The following TIAM2 variants were observed in gnomAD, a reference collection of about 807,000 sequenced individuals.
TIAM2 encodes TIAM Rac1 associated GEF 2.
A neutral mutation model predicts 152.9 loss-of-function variants in TIAM2; 80 were observed. That is an observed-to-expected ratio of 0.52 (90% CI 0.44 to 0.63). TIAM2 has a LOEUF of 0.63. Ranked by LOEUF, TIAM2 falls within the 30% of genes least tolerant of loss-of-function variation. The pLI is 0.00. For synonymous variants in TIAM2, 804 were observed against 838.0 expected (o/e 0.96, Z 0.70); for missense variants, 1,965 against 2,120.1 (o/e 0.93, Z 1.44).
At chr6:155,104,485 C>G (rs34360667) in intron 2 of TIAM2, among the ~76,000 whole-genome samples, 41 of 152,232 alleles carry the variant, frequency 2.7e-4, no homozygotes, top group African/African-American at 9.1e-4. Flanking sequence ...ATGGCCGGCA[C>G]GGTGGGTCAC....
intron 7 of TIAM2, among the ~76,000 whole-genome samples, chr6:155,162,282 A>T (rs2115094804): frequency 6.6e-6 from 1 of 152,274 alleles, no homozygotes; most frequent in African/African-American, 2.4e-5. Flanking sequence ...CTTTCCTCTT[A>T]TATCTTCACC....
intron 8 of TIAM2, 74 bp from the exon 9 acceptor site, chr6:155,165,189 G>A: frequency 2.0e-6 from 3 of 1,471,526 alleles, no homozygotes; most frequent in Non-Finnish European, 2.7e-6. Flanking sequence ...AGCAAGCAGA[G>A]CTCACTTCCT....
intron 1 of TIAM2, among the ~76,000 whole-genome samples, chr6:155,057,017 CTTTTTTTTTTT>C (rs71023612): frequency 4.5e-3 from 199 of 43,880 alleles, no homozygotes; most frequent in Admixed American, 0.01. Context: ...AGTTTTCTTT[CTTTTTTTTTTT>C]TTTTTTTTTT....
chr6:155,144,262 T>G (rs890521503), intron 5 of TIAM2, among the ~76,000 whole-genome samples: 1 of 152,224 alleles, frequency 6.6e-6, no homozygotes, highest in Admixed American at 6.5e-5. Context: ...TCCTAGATAC[T>G]TTTTGGGTCA....
chr6:155,009,273 T>C (rs1218720062), intron 1 of TIAM2, among the ~76,000 whole-genome samples: 1 of 151,546 alleles, frequency 6.6e-6, no homozygotes, highest in African/African-American at 2.4e-5. Context: ...GGCTAGGTTT[T>C]GTATTTTTAG....
At chr6:155,042,771 G>A (rs1296633994) in intron 1 of TIAM2, among the ~76,000 whole-genome samples, 3 of 144,320 alleles carry the variant, frequency 2.1e-5, no homozygotes, top group Non-Finnish European at 4.6e-5. Context: ...TTTTTGCGGT[G>A]AGAACGCTGA....
At chr6:155,051,865 C>T (rs973217069) in intron 1 of TIAM2, among the ~76,000 whole-genome samples, 13 of 152,132 alleles carry the variant, frequency 8.5e-5, no homozygotes, top group Admixed American at 3.9e-4. Context: ...GTCTCGAACT[C>T]GTGACTTCAG....
intron 9 of TIAM2, among the ~76,000 whole-genome samples, chr6:155,166,219 T>C (rs1241920867): frequency 6.6e-6 from 1 of 152,132 alleles, no homozygotes; most frequent in East Asian, 1.9e-4. Context: ...CCAGGACTAG[T>C]TTCTGCCTAA....
In TIAM2 at chr6:155,130,203, C is replaced by T. The variant is rs1200146353; in HGVS notation, c.980C>T (p.Ala327Val). The change falls in exon 4 of 27, where the codon GCC (alanine) becomes GTC (valine). Residue 327 changes from alanine to valine, a missense_variant. Around this residue, in one of 3 missense-constraint regions of TIAM2, gnomAD observed 1,025 missense variants for 1,119.4 expected, o/e 0.92. Transcript: ENST00000682666. Reference sequence around the variant, plus strand: ...TCTGATGAATACATGGGCACGCATGCCAGCCTGAGCAACCGTGTCTCTTTT... The same window carrying T: ...TCTGATGAATACATGGGCACGCATGTCAGCCTGAGCAACCGTGTCTCTTTT... ...RLSDEYMGTH[A>V]SLSNRVSFAS... 6.2e-7 allele frequency: 1 copy of T among 1,614,066 alleles called. No individual in the cohort carries two copies. The highest frequency in any genetic ancestry group is 8.5e-7 in the Non-Finnish European group (1 of 1,180,040).
intron 2 of TIAM2, among the ~76,000 whole-genome samples, chr6:155,091,796 C>A (rs969336365): frequency 3.9e-5 from 6 of 152,158 alleles, no homozygotes; most frequent in Non-Finnish European, 7.3e-5. Context: ...TGCTGAAATA[C>A]ACTATTTGGA....
intron 1 of TIAM2, among the ~76,000 whole-genome samples, chr6:155,056,005 G>T (rs180773537): frequency 1.6e-4 from 25 of 151,966 alleles, no homozygotes; most frequent in African/African-American, 5.1e-4. Context: ...AGCCTCTATG[G>T]CCAGAAAAAT....
At chr6:155,004,124 C>T (rs1185569712) in intron 1 of TIAM2, among the ~76,000 whole-genome samples, 1 of 152,220 alleles carries the variant, frequency 6.6e-6, no homozygotes, top group Non-Finnish European at 1.5e-5. Context: ...GATCTGCCTG[C>T]CTCGGCCTCC....
In TIAM2 at chr6:155,224,206, T is replaced by G. The variant is rs771937810; in HGVS notation, c.3168+12899T>G. Among the ~76,000 whole-genome samples, 105 of 152,340 alleles carry G rather than the reference T, an allele frequency of 6.9e-4. No individual in the cohort carries two copies. In the Middle Eastern group the frequency reaches 0.014, roughly 20 times the overall value. On this transcript the variant is annotated intron_variant, in intron 15 of 26. Transcript: ENST00000682666. ...AGGCATTTTCTGTGCCTTTCATGACTCATAGCAGATTCTCACCTTGTGATA... is the reference window on the plus strand; with the variant it reads ...AGGCATTTTCTGTGCCTTTCATGACGCATAGCAGATTCTCACCTTGTGATA...
intron 15 of TIAM2, among the ~76,000 whole-genome samples, chr6:155,221,332 T>C (rs1296478884): frequency 1.3e-5 from 2 of 152,084 alleles, no homozygotes; most frequent in Admixed American, 1.3e-4. Flanking sequence ...ATAATGACAC[T>C]CCCGTTCCTC....
In TIAM2 at chr6:155,130,433, A is replaced by G; in HGVS notation, c.1194+16A>G. ...GAAACTCCAGGTGAGCATACCTTAGAGCAGAGGGAAGGGTCCCCACAGTTT... is the reference window on the plus strand; with the variant it reads ...GAAACTCCAGGTGAGCATACCTTAGGGCAGAGGGAAGGGTCCCCACAGTTT... On this transcript the variant is annotated intron_variant, in intron 4 of 26. Coordinates refer to ENST00000682666, the MANE Select transcript of TIAM2 (RefSeq NM_012454.4). 6.2e-7 allele frequency: 1 copy of G among 1,602,628 alleles called. No homozygotes were observed. Among genetic ancestry groups the G allele is most frequent in the African/African-American group, 1.3e-5 (1 of 74,288 alleles).
At chr6:155,105,890 T>C (rs34055431) in intron 2 of TIAM2, among the ~76,000 whole-genome samples, 45,184 of 151,992 alleles carry the variant, frequency 0.3, 7,477 homozygotes, top group Admixed American at 0.4. Flanking sequence ...CTATAAAATA[T>C]GAAGGTTTGT....
At position 155,183,344 on chromosome 6, in the gene TIAM2, C is replaced by G; in HGVS notation, c.2908C>G (p.Leu970Val). 6.2e-7 allele frequency: 1 copy of G among 1,613,402 alleles called. No homozygotes were observed. The highest frequency in any genetic ancestry group is 8.5e-7 in the Non-Finnish European group (1 of 1,179,780). The part of the protein sequence containing the change: ...LFSEKSVGLT[L>V]IARPPDTKAT... ...TTCTGAGAAGAGCGTCGGACTCACTCTGATTGCCCGGCCTCCGGACACAAA... is the reference window on the plus strand; with the variant it reads ...TTCTGAGAAGAGCGTCGGACTCACTGTGATTGCCCGGCCTCCGGACACAAA... Residue 970 changes from leucine to valine, a missense_variant, in exon 14 of 27, where the codon CTG (leucine) becomes GTG (valine). Physicochemically the swap from Leu to Val is conservative, Grantham distance 32. Around this residue, in one of 3 missense-constraint regions of TIAM2, gnomAD observed 935 missense variants for 980.0 expected, o/e 0.95. Coordinates refer to ENST00000682666, the MANE Select transcript of TIAM2 (RefSeq NM_012454.4).
intron 2 of TIAM2, among the ~76,000 whole-genome samples, chr6:155,124,207 G>A (rs574321262): frequency 1.3e-5 from 2 of 152,242 alleles, no homozygotes; most frequent in South Asian, 4.2e-4. Context: ...TTTTAGTAGA[G>A]ATGGAGTTTC....
chr6:155,141,431 T>A (rs1346144879), intron 5 of TIAM2, among the ~76,000 whole-genome samples: 1 of 152,090 alleles, frequency 6.6e-6, no homozygotes, highest in South Asian at 2.1e-4. Context: ...TTAAGCCTAA[T>A]TTTTAAATTA....
Sources: gnomAD v4.1 joint callset for allele counts (sites outside exome capture counted in the v4.1 genomes callset) on GRCh38, gnomAD v4.1.1 for gene constraint, gnomAD v4.1.1 regional missense constraint, MANE v1.5 for transcripts, NCBI Gene and HGNC (gene_info 2026-07-23, HGNC 2026-07-21) for gene names.